The following KCTD16 variants were observed in gnomAD, a reference collection of about 807,000 sequenced individuals.
The protein encoded by KCTD16 is potassium channel tetramerization domain containing 16.
In KCTD16, 13 loss-of-function variants were observed where a neutral mutation model predicts 33.2. The observed-to-expected ratio is 0.39, with a 90% CI of 0.25 to 0.62. The LOEUF (loss-of-function observed/expected upper bound fraction) is 0.62, where lower values mean the gene tolerates loss of function less well. Ranked by LOEUF, KCTD16 falls within the 20% of genes least tolerant of loss-of-function variation. The pLI, the probability that KCTD16 is intolerant of heterozygous loss-of-function variation, is 0.50. For synonymous variants in KCTD16, 197 were observed against 195.3 expected, an observed-to-expected ratio of 1.01 and a Z score of -0.07; for missense variants, 441 against 525.1, an observed-to-expected ratio of 0.84 and a Z score of 1.57.
chr5:144,252,754 C>T (rs1301639813), intron 3 of KCTD16, among the ~76,000 whole-genome samples: 1 of 151,834 alleles, frequency 6.6e-6, no homozygotes, highest in Non-Finnish European at 1.5e-5. Context: ...AGATTATGTA[C>T]ATCAGAGAAG....
intron 3 of KCTD16, among the ~76,000 whole-genome samples, chr5:144,404,615 A>T (rs982859752): frequency 1.3e-5 from 2 of 152,202 alleles, no homozygotes; most frequent in African/African-American, 2.4e-5. Context: ...ATATATAATT[A>T]TAAAGGAAAA....
intron 3 of KCTD16, among the ~76,000 whole-genome samples, chr5:144,311,906 T>C (rs2126878083): frequency 6.6e-6 from 1 of 152,300 alleles, no homozygotes; most frequent in South Asian, 2.1e-4. Context: ...AGTTAATGAA[T>C]ATTCTGGAGA....
intron 3 of KCTD16, among the ~76,000 whole-genome samples, chr5:144,213,190 G>A (rs866318053): frequency 2.0e-5 from 3 of 151,904 alleles, no homozygotes; most frequent in Middle Eastern, 3.4e-3. Context: ...AGATGCAAAT[G>A]AAATCTACAT....
chr5:144,212,633 T>C (rs1479727330), intron 3 of KCTD16, among the ~76,000 whole-genome samples: 4 of 152,200 alleles, frequency 2.6e-5, no homozygotes, highest in South Asian at 2.1e-4. Flanking sequence ...CGACTACGCA[T>C]AGGATGAGTG....
At chr5:144,310,370 G>T (rs1255030117) in intron 3 of KCTD16, among the ~76,000 whole-genome samples, 1 of 152,060 alleles carries the variant, frequency 6.6e-6, no homozygotes, top group East Asian at 1.9e-4. Flanking sequence ...TGTGAGTGCA[G>T]GTGTCCCTTT....
At chr5:144,384,856 A>T (rs760593372) in intron 3 of KCTD16, among the ~76,000 whole-genome samples, 1 of 152,202 alleles carries the variant, frequency 6.6e-6, no homozygotes, top group African/African-American at 2.4e-5. Flanking sequence ...ATGGATAAGT[A>T]GGTAATTAAG....
chr5:144,449,786 A>G (rs924005314), intron 3 of KCTD16, among the ~76,000 whole-genome samples: 5 of 152,006 alleles, frequency 3.3e-5, no homozygotes, highest in Admixed American at 3.3e-4. Context: ...CTTACACCAT[A>G]GACAAAAAAT....
At chr5:144,217,330 T>G (rs560208380) in intron 3 of KCTD16, among the ~76,000 whole-genome samples, 7 of 152,258 alleles carry the variant, frequency 4.6e-5, no homozygotes, top group African/African-American at 1.7e-4. Context: ...GTCAACTAGG[T>G]GAGATTTTTT....
chr5:144,251,851 C>T (rs1388950749), intron 3 of KCTD16, among the ~76,000 whole-genome samples: 2 of 152,140 alleles, frequency 1.3e-5, no homozygotes, highest in African/African-American at 4.8e-5. Context: ...TGAATATCTT[C>T]AGCATATGAA....
chr5:144,276,614 C>T (rs111318478), intron 3 of KCTD16, among the ~76,000 whole-genome samples: 5 of 152,132 alleles, frequency 3.3e-5, no homozygotes, highest in African/African-American at 1.2e-4. Flanking sequence ...CCTATTGAAA[C>T]TCTATCTCGC....
intron 3 of KCTD16, among the ~76,000 whole-genome samples, chr5:144,400,965 A>C (rs1752689629): frequency 6.6e-6 from 1 of 152,140 alleles, no homozygotes; most frequent in Admixed American, 6.6e-5. Flanking sequence ...ATTGGGGAAT[A>C]GAGAAAAGGC....
intron 3 of KCTD16, among the ~76,000 whole-genome samples, chr5:144,221,619 A>G (rs1346411405): frequency 6.6e-6 from 1 of 152,188 alleles, no homozygotes; most frequent in East Asian, 1.9e-4. Context: ...ATGGCTGCAT[A>G]GTATTCCATG....
intron 3 of KCTD16, among the ~76,000 whole-genome samples, chr5:144,343,513 A>G (rs1752701760): frequency 6.6e-6 from 1 of 151,560 alleles, no homozygotes; most frequent in South Asian, 2.1e-4. Flanking sequence ...AATTTTGTTG[A>G]TCCTTTCAAA....
At chr5:144,243,618 C>G (rs1032138412) in intron 3 of KCTD16, among the ~76,000 whole-genome samples, 1 of 152,122 alleles carries the variant, frequency 6.6e-6, no homozygotes, top group Admixed American at 6.6e-5. Context: ...TGATTTTCCT[C>G]CACAGAGGAT....
chr5:144,462,243 C>T (rs1276635859), intron 3 of KCTD16, among the ~76,000 whole-genome samples: 2 of 151,942 alleles, frequency 1.3e-5, no homozygotes, highest in Non-Finnish European at 2.9e-5. Context: ...CATTGTCTTC[C>T]CCGCCGTCAC....
At chr5:144,405,554 C>T (rs1228081641) in intron 3 of KCTD16, among the ~76,000 whole-genome samples, 1 of 152,104 alleles carries the variant, frequency 6.6e-6, no homozygotes, top group Non-Finnish European at 1.5e-5. Context: ...TCTTTAGACC[C>T]CTGTCTTAGT....
At chr5:144,235,153 T>C (rs1754213910) in intron 3 of KCTD16, among the ~76,000 whole-genome samples, 1 of 152,140 alleles carries the variant, frequency 6.6e-6, no homozygotes, top group Non-Finnish European at 1.5e-5. Flanking sequence ...GAGAATCATT[T>C]TGCATGGGTG....
intron 3 of KCTD16, among the ~76,000 whole-genome samples, chr5:144,245,083 C>T (rs939263441): frequency 5.3e-5 from 8 of 152,074 alleles, no homozygotes; most frequent in African/African-American, 1.9e-4. Context: ...TTGTTTATTC[C>T]ATTGTACATT....
intron 3 of KCTD16, among the ~76,000 whole-genome samples, chr5:144,374,068 T>A (rs1263635640): frequency 6.6e-6 from 1 of 152,212 alleles, no homozygotes; most frequent in Admixed American, 6.5e-5. Flanking sequence ...ATCTGGATAA[T>A]CCAGGAGAAT....
Sources: allele counts gnomAD v4.1 joint callset (sites outside exome capture counted in the v4.1 genomes callset), GRCh38; gene constraint gnomAD v4.1.1; transcripts MANE v1.5; gene names NCBI Gene and HGNC (gene_info 2026-07-23, HGNC 2026-07-21).